Variants in GREB1L observed in about 807,000 individuals in gnomAD.
The protein encoded by GREB1L is GREB1 like retinoic acid receptor coactivator.
GREB1L carries 17 observed loss-of-function variants against 200.8 expected under a neutral mutation model. The ratio of observed to expected loss-of-function variants is 0.08; its 90% CI spans 0.06 to 0.13. The LOEUF (loss-of-function observed/expected upper bound fraction) is 0.13. Ranked by LOEUF, GREB1L falls within the 10% of genes least tolerant of loss-of-function variation. The pLI, the probability that GREB1L is intolerant of heterozygous loss-of-function variation, is 1.00. For missense variants in GREB1L, 1,657 were observed against 2,367.7 expected, an observed-to-expected ratio of 0.70 and a Z score of 6.23; for synonymous variants, 789 against 893.0, an observed-to-expected ratio of 0.88 and a Z score of 2.08.
intron 8 of GREB1L, among the ~76,000 whole-genome samples, 183 bp downstream of exon 8, chr18:21,439,820 A>T (rs1223499115): frequency 1.3e-5 from 2 of 152,248 alleles, no homozygotes; most frequent in East Asian, 3.8e-4. Context: ...TTCTATGTGG[A>T]TGACCTAACT....
intron 7 of GREB1L, among the ~76,000 whole-genome samples, chr18:21,409,307 T>C (rs1312448344): frequency 6.6e-6 from 1 of 152,184 alleles, no homozygotes; most frequent in Non-Finnish European, 1.5e-5. Flanking sequence ...TCTGTGTATA[T>C]GAAATGTGCA....
intron 29 of GREB1L, 23 bp downstream of exon 29, chr18:21,515,667 A>T: frequency 6.7e-7 from 1 of 1,497,358 alleles, no homozygotes; most frequent in Non-Finnish European, 9.1e-7. Context: ...TCATGGATGC[A>T]GGTAATCCTG....
rs150944882 is a variant in GREB1L at position 21,249,199 on chromosome 18, C to G, written c.-120+6806C>G. The stretch of plus-strand genomic sequence containing the variant: ...ACAAGGGGTTTGGGGATCACTTTTT[C>G]TCTTGTCACAAACGCACATGAGTAT... On this transcript the variant is annotated intron_variant, in intron 1 of 32. Transcript: ENST00000424526. 7.5e-3 allele frequency among the ~76,000 whole-genome samples: 1,134 copies of G among 151,450 alleles called. 3 individuals are homozygous for G. The highest frequency in any genetic ancestry group is 0.012 in the Non-Finnish European group (830 of 67,860).
chr18:21,405,081 C>A (rs2030019490), intron 7 of GREB1L, among the ~76,000 whole-genome samples: 1 of 152,168 alleles, frequency 6.6e-6, no homozygotes, highest in Non-Finnish European at 1.5e-5. Flanking sequence ...TTGCTATGTG[C>A]CTGTACTCAG....
intron 17 of GREB1L, among the ~76,000 whole-genome samples, chr18:21,478,327 T>C (rs1179887955): frequency 6.6e-6 from 1 of 152,194 alleles, no homozygotes; most frequent in Non-Finnish European, 1.5e-5. Context: ...GACCTGAAAC[T>C]GTATGCTAAA....
chr18:21,414,033 A>C (rs1329752264), intron 7 of GREB1L, among the ~76,000 whole-genome samples: 1 of 152,238 alleles, frequency 6.6e-6, no homozygotes, highest in Admixed American at 6.5e-5. Context: ...CATTTAAAAT[A>C]TTTATACCTT....
At chr18:21,351,527 C>T (rs1320639659) in intron 1 of GREB1L, among the ~76,000 whole-genome samples, 5 of 150,666 alleles carry the variant, frequency 3.3e-5, no homozygotes, top group Admixed American at 6.6e-5. Flanking sequence ...GAGCCGAGAT[C>T]GTGCCACTGC....
At chr18:21,430,005 G>A (rs560040175) in intron 7 of GREB1L, among the ~76,000 whole-genome samples, 1 of 152,238 alleles carries the variant, frequency 6.6e-6, no homozygotes, top group Admixed American at 6.5e-5. Context: ...CCGTCTTCTT[G>A]CTGTGTCCTC....
intron 6 of GREB1L, 39 bp from the exon 7 acceptor site, chr18:21,403,833 T>C (rs1451657825): frequency 2.0e-6 from 3 of 1,532,922 alleles, no homozygotes; most frequent in African/African-American, 2.8e-5. Context: ...TAACAGAACA[T>C]TGGTCACTTC....
At chr18:21,270,927 A>G (rs2038067969) in intron 1 of GREB1L, among the ~76,000 whole-genome samples, 1 of 152,334 alleles carries the variant, frequency 6.6e-6, no homozygotes, top group South Asian at 2.1e-4. Flanking sequence ...TGCTATGATT[A>G]TCTCCATCTT....
At chr18:21,385,850 T>C (rs1192487506) in intron 4 of GREB1L, among the ~76,000 whole-genome samples, 1 of 152,172 alleles carries the variant, frequency 6.6e-6, no homozygotes, top group Admixed American at 6.5e-5. Context: ...AATATCTAAT[T>C]TTATACCAAA....
At position 21,415,608 on chromosome 18, in the gene GREB1L, A is replaced by G. The variant is rs530985747; in HGVS notation, c.832+11614A>G. ...GAAAAGGAAAGAAAGAGAGAAAGAGAAAGGAAGAACCACCCAAAAGGGTTA... is the reference window on the plus strand; with the variant it reads ...GAAAAGGAAAGAAAGAGAGAAAGAGGAAGGAAGAACCACCCAAAAGGGTTA... On this transcript the variant is annotated intron_variant, in intron 7 of 32. Coordinates refer to ENST00000424526, the MANE Select transcript of GREB1L (RefSeq NM_001142966.3). Among the ~76,000 whole-genome samples, 3 of 152,184 alleles carry G rather than the reference A, an allele frequency of 2.0e-5. No homozygotes were observed. In the South Asian group the frequency reaches 6.2e-4, roughly 32 times the overall value.
chr18:21,279,124 T>C (rs1298299750), intron 1 of GREB1L, among the ~76,000 whole-genome samples: 1 of 152,106 alleles, frequency 6.6e-6, no homozygotes, highest in African/African-American at 2.4e-5. Flanking sequence ...TCAAATCCCT[T>C]CCTTGTTTAA....
chr18:21,392,261 A>G (rs547986153), intron 4 of GREB1L, among the ~76,000 whole-genome samples: 1 of 152,228 alleles, frequency 6.6e-6, no homozygotes, highest in Non-Finnish European at 1.5e-5. Flanking sequence ...CAAGTGCTCC[A>G]TAAGTTTTAG....
intron 15 of GREB1L, among the ~76,000 whole-genome samples, chr18:21,463,147 T>TTC (rs1667957827): frequency 1.6e-5 from 2 of 123,916 alleles, no homozygotes; most frequent in East Asian, 4.6e-4. Context: ...TTTTTTTTTT[T>TTC]TTTTTTTTTT....
At chr18:21,358,594 C>G (rs2039539278) in intron 1 of GREB1L, among the ~76,000 whole-genome samples, 1 of 152,194 alleles carries the variant, frequency 6.6e-6, no homozygotes, top group East Asian at 1.9e-4. Context: ...GGATTACAGG[C>G]ATGAGCCACC....
chr18:21,454,339 T>C, intron 14 of GREB1L, 27 bp from the exon 15 acceptor site: 1 of 1,488,834 alleles, frequency 6.7e-7, no homozygotes, highest in African/African-American at 1.4e-5. Context: ...ATTAACCTTG[T>C]TCTTATGACT....
intron 21 of GREB1L, among the ~76,000 whole-genome samples, chr18:21,499,272 G>C (rs1395652206): frequency 9.2e-5 from 14 of 152,206 alleles, no homozygotes; most frequent in Admixed American, 9.2e-4. Flanking sequence ...CCCAAACCAG[G>C]TCATTTGAGG....
chr18:21,354,875 G>A (rs2039482093), intron 1 of GREB1L, among the ~76,000 whole-genome samples: 1 of 152,184 alleles, frequency 6.6e-6, no homozygotes, highest in Non-Finnish European at 1.5e-5. Context: ...GGGATACTTA[G>A]GATGTTGATT....
Sources: allele counts gnomAD v4.1 joint callset (sites outside exome capture counted in the v4.1 genomes callset), GRCh38; gene constraint gnomAD v4.1.1; transcripts MANE v1.5; gene names NCBI Gene and HGNC (gene_info 2026-07-23, HGNC 2026-07-21).